YBX3: variants seen among roughly 807,000 people sequenced by gnomAD.
The protein encoded by YBX3 is Y-box binding protein 3.
Under a neutral mutation model 42.4 loss-of-function variants are expected in YBX3, and 29 were observed. That is an observed-to-expected ratio of 0.68 (90% CI 0.51 to 0.93). The LOEUF is 0.93. Among genes scored for constraint, YBX3 ranks in the 40% least tolerant of loss-of-function variants. The probability of loss-of-function intolerance (pLI) is 0.00; values close to 1 mark genes in which losing one functional copy is unlikely to be tolerated. For synonymous variants in YBX3, 195 were observed against 189.8 expected, an observed-to-expected ratio of 1.03 and a Z score of -0.22; for missense variants, 517 against 527.5, an observed-to-expected ratio of 0.98 and a Z score of 0.19.
intron 6 of YBX3, among the ~76,000 whole-genome samples, chr12:10,706,441 T>C (rs1948137886): frequency 6.6e-6 from 1 of 152,210 alleles, no homozygotes. Context: ...GTTCATTCTA[T>C]TTAAACTTTT....
chr12:10,705,189 G>C (rs988616609), intron 6 of YBX3, among the ~76,000 whole-genome samples: 1 of 152,142 alleles, frequency 6.6e-6, no homozygotes, highest in Non-Finnish European at 1.5e-5. Flanking sequence ...TGCCTCCCTG[G>C]TTCAAGCGAT....
At chr12:10,711,340 CA>C (rs1219955211) in intron 5 of YBX3, 6 of 151,556 alleles carry the variant, frequency 4.0e-5, no homozygotes, top group Non-Finnish European at 7.4e-5. Flanking sequence ...CTTTTTTTTA[CA>C]GGAGTGTATT....
At chr12:10,707,840 G>GA (rs1948154978) in intron 6 of YBX3, among the ~76,000 whole-genome samples, 1 of 152,106 alleles carries the variant, frequency 6.6e-6, no homozygotes, top group African/African-American at 2.4e-5. Context: ...TTCTTCCTCA[G>GA]AAACTGTTGA....
intron 5 of YBX3, chr12:10,712,815 T>G (rs1948214193): frequency 6.3e-6 from 1 of 157,818 alleles, no homozygotes; most frequent in African/African-American, 2.4e-5. Flanking sequence ...TAATTAAATG[T>G]CTATTACTTG....
At chr12:10,710,146 A>C in intron 5 of YBX3, 32 bp from the exon 6 acceptor site, 2 of 1,601,268 alleles carry the variant, frequency 1.2e-6, no homozygotes, top group Non-Finnish European at 1.7e-6. Flanking sequence ...GATTCAGAAG[A>C]AGTTTTAGCA....
chr12:10,713,073 C>A, intron 5 of YBX3, 138 bp downstream of exon 5: 2 of 1,179,584 alleles, frequency 1.7e-6, no homozygotes, highest in Non-Finnish European at 2.3e-6. Flanking sequence ...TAAAAATTTC[C>A]TCTAAAGAAA....
intron 4 of YBX3, 122 bp from the exon 5 acceptor site, chr12:10,713,455 T>A: frequency 8.2e-7 from 1 of 1,220,966 alleles, no homozygotes; most frequent in Non-Finnish European, 1.1e-6. Context: ...ACTGTGATTT[T>A]AAAAACAGAT....
chr12:10,713,670 T>C (rs1210023194), intron 4 of YBX3, among the ~76,000 whole-genome samples: 2 of 152,200 alleles, frequency 1.3e-5, no homozygotes, highest in Non-Finnish European at 2.9e-5. Flanking sequence ...TATTCCTCAA[T>C]GGGAAAGACT....
At chr12:10,714,086 A>T (rs1308978942) in intron 4 of YBX3, among the ~76,000 whole-genome samples, 1 of 152,238 alleles carries the variant, frequency 6.6e-6, no homozygotes, top group Non-Finnish European at 1.5e-5. Context: ...TGGATGGGAT[A>T]TCAGAGATCC....
At chr12:10,721,222 G>T (rs1183554923) in intron 1 of YBX3, among the ~76,000 whole-genome samples, 1 of 152,214 alleles carries the variant, frequency 6.6e-6, no homozygotes, top group Non-Finnish European at 1.5e-5. Flanking sequence ...TTTTTAGAGA[G>T]ACGCAGTAAG....
chr12:10,715,654 T>A (rs1264026884), intron 4 of YBX3, 40 bp downstream of exon 4: 7 of 1,531,236 alleles, frequency 4.6e-6, no homozygotes, highest in Non-Finnish European at 5.4e-6. Flanking sequence ...AACAGTACTA[T>A]GTGCCAGCAC....
At chr12:10,718,649 C>G (rs1041723605) in intron 2 of YBX3, among the ~76,000 whole-genome samples, 1 of 152,154 alleles carries the variant, frequency 6.6e-6, no homozygotes, top group Non-Finnish European at 1.5e-5. Context: ...CATTCCTGTA[C>G]GGTTAAAAGT....
At chr12:10,706,696 C>T (rs2120921360) in intron 6 of YBX3, among the ~76,000 whole-genome samples, 1 of 152,248 alleles carries the variant, frequency 6.6e-6, no homozygotes, top group South Asian at 2.1e-4. Context: ...TATCATCCTG[C>T]CCCTACGGCT....
At chr12:10,706,051 T>C (rs1210594637) in intron 6 of YBX3, among the ~76,000 whole-genome samples, 3 of 152,258 alleles carry the variant, frequency 2.0e-5, no homozygotes, top group African/African-American at 7.2e-5. Flanking sequence ...TACTAAGATA[T>C]CACGGCTTTC....
At chr12:10,712,011 A>G (rs577892279) in intron 5 of YBX3, 125 of 152,342 alleles carry the variant, frequency 8.2e-4, no homozygotes, top group African/African-American at 2.9e-3. Flanking sequence ...TAAAAACCAA[A>G]TAAGATAAGC....
In YBX3 at chr12:10,701,287, G is replaced by GT. The variant is rs1332789283; in HGVS notation, c.1119dup. The GT allele has an allele frequency of 2.9e-5, 23 of 780,516 alleles. No homozygotes were observed. In the Admixed American group the frequency reaches 3.9e-4, roughly 13 times the overall value. The allele number at this position is 780,516 out of a possible 1,614,324, so 48.3% of individuals were successfully genotyped here. A position where few individuals can be genotyped will look rare whatever the true frequency, so the allele number is the denominator to read the frequency against. ...GGTGAAGGTGCCTGAGGAGCCTGGT[G>GT]TTACTCAGCACTGCTCTGCTGGGTG... On this transcript the variant is annotated 3_prime_UTR_variant, in exon 9 of 10. Transcript: ENST00000228251.
In YBX3 at chr12:10,710,184, G is replaced by C. The variant is rs1021622718; in HGVS notation, c.574-70C>G. ...GAAAGAACCAAAGAACACCATTTAG[G>C]ATGAATATCACCAAAATAAAATCTC... On this transcript the variant is annotated intron_variant, in intron 5 of 9. Coordinates refer to ENST00000228251, the MANE Select transcript of YBX3 (RefSeq NM_003651.5). 20 of 1,556,300 alleles carry C rather than the reference G, an allele frequency of 1.3e-5. No homozygotes were observed. The African/African-American group carries it at 2.7e-4, about 21-fold the overall frequency.
In YBX3 at chr12:10,713,264, G is replaced by T; in HGVS notation, c.520C>A (p.Arg174=). Residue 174 remains arginine (R), a synonymous_variant, in exon 5 of 10, where the codon CGG becomes AGG. Coordinates refer to ENST00000228251, the MANE Select transcript of YBX3 (RefSeq NM_003651.5). ...PVEGSRYAAD[R]RRYRRGYYGR... ...TAGTAGCCACGTCTGTAACGGCGCC[G>T]ATCTGCAGCGTAACGACTCCCTTCC... The T allele has an allele frequency of 1.2e-6, 2 of 1,614,002 alleles. No individual in the cohort carries two copies. The highest frequency in any genetic ancestry group is 1.7e-6 in the Non-Finnish European group (2 of 1,180,026).
In YBX3 at chr12:10,704,299, T is replaced by C. The variant is rs1049166487; in HGVS notation, c.781-151A>G. On this transcript the variant is annotated intron_variant, in intron 6 of 9. Transcript: ENST00000228251. Reference sequence around the variant, plus strand: ...TCTCAGTTGCAACACAAACTATTTATGAGTAAATCTTCGTGAACGACTGAA... The same window carrying C: ...TCTCAGTTGCAACACAAACTATTTACGAGTAAATCTTCGTGAACGACTGAA... The C allele has an allele frequency of 6.6e-5, 38 of 571,590 alleles. No individual in the cohort carries two copies. The Middle Eastern group carries it at 2.5e-3, about 37-fold the overall frequency. The allele number at this position is 571,590 out of a possible 1,614,324, so 35.4% of individuals were successfully genotyped here.
Sources: gnomAD v4.1 joint callset for allele counts (sites outside exome capture counted in the v4.1 genomes callset) on GRCh38, gnomAD v4.1.1 for gene constraint, MANE v1.5 for transcripts, NCBI Gene and HGNC (gene_info 2026-07-23, HGNC 2026-07-21) for gene names.